Variants in USH2A observed in about 807,000 individuals in gnomAD.
USH2A encodes Usher syndrome 2A (autosomal recessive, mild).
Under a neutral mutation model 538.9 loss-of-function variants are expected in USH2A, and 443 were observed. The observed-to-expected ratio is 0.82, with a 90% CI of 0.76 to 0.89. USH2A has a LOEUF of 0.89. Ranked by LOEUF, USH2A falls within the 40% of genes least tolerant of loss-of-function variation. The pLI, the probability that USH2A is intolerant of heterozygous loss-of-function variation, is 0.00. For synonymous variants in USH2A, 2,413 were observed against 2,273.5 expected (o/e 1.06, Z -1.75); for missense variants, 6,633 against 6,324.8 (o/e 1.05, Z -1.65).
chr1:215,746,262 T>G (rs187479089), intron 58 of USH2A, among the ~76,000 whole-genome samples: 130 of 152,210 alleles, frequency 8.5e-4, no homozygotes, highest in African/African-American at 3.1e-3. Context: ...TCTGAGCGAG[T>G]GTGGGTGTGT....
At chr1:215,887,851 C>T (rs1166187046) in intron 41 of USH2A, among the ~76,000 whole-genome samples, 1 of 152,192 alleles carries the variant, frequency 6.6e-6, no homozygotes, top group Non-Finnish European at 1.5e-5. Context: ...TTCTAAGCTA[C>T]AAAACTCCCT....
rs770900090 is a variant in USH2A, at chr1:216,073,281, C to T, written c.5592G>A (p.Lys1864=). The T allele has an allele frequency of 1.9e-6, 3 of 1,613,544 alleles. No homozygotes were observed. In the South Asian group the frequency reaches 3.3e-5, roughly 18 times the overall value. Residue 1864 remains lysine (K), a synonymous_variant, in exon 28 of 72, where the codon AAG becomes AAA. Coordinates refer to ENST00000307340, the MANE Select transcript of USH2A (RefSeq NM_206933.4). ...CAGCACCCCGTGTAAATTTAACATCCTTCATGCAACCACCGAAACCTAGCA... is the reference window on the plus strand; with the variant it reads ...CAGCACCCCGTGTAAATTTAACATCTTTCATGCAACCACCGAAACCTAGCA... The part of the protein sequence containing the change: ...CLEQGFGGCM[K]DVKFTRGAVV...
intron 21 of USH2A, among the ~76,000 whole-genome samples, chr1:216,114,446 T>C (rs888276115): frequency 5.3e-5 from 8 of 152,178 alleles, no homozygotes; most frequent in Non-Finnish European, 1.0e-4. Context: ...ATATCATTTT[T>C]AAACCCTTAA....
rs200437181 is a variant in USH2A at position 215,970,743 on chromosome 1, C to A, written c.6839G>T (p.Gly2280Val). ...TTCTGAGGAATTGTGGATTAATATA[C>A]CATCTAGATATAATCCATAACTCGT... ...VITSYGLYLD[G>V]ILIHNSSELS... Residue 2280 changes from glycine (G) to valine (V), a missense_variant, in exon 36 of 72, where the codon GGT becomes GTT. Transcript: ENST00000307340. The A allele has an allele frequency of 3.6e-5, 58 of 1,613,390 alleles. 1 individual carries two copies. Among genetic ancestry groups the A allele is most frequent in the Non-Finnish European group, 4.8e-5 (57 of 1,179,632 alleles).
rs539536469 is a variant in USH2A at position 215,629,069 on chromosome 1, T to A, written c.15298-34A>T. On this transcript the variant is annotated intron_variant, in intron 70 of 71. Coordinates refer to ENST00000307340, the MANE Select transcript of USH2A (RefSeq NM_206933.4). The stretch of plus-strand genomic sequence containing the variant: ...GAAGTTGCTGTGAGTATTTCACATA[T>A]AAAGAATATGGGCTTGAAATATGAC... 8.9e-6 allele frequency: 14 copies of A among 1,580,972 alleles called. No individual in the cohort carries two copies. The East Asian group carries it at 3.1e-4, about 35-fold the overall frequency.
At chr1:216,112,870 G>A (rs1170331718) in intron 21 of USH2A, among the ~76,000 whole-genome samples, 2 of 151,830 alleles carry the variant, frequency 1.3e-5, no homozygotes, top group Non-Finnish European at 2.9e-5. Context: ...GGGCATTTAG[G>A]TTGATTCTAT....
chr1:215,732,544 C>CTTTTTTTTTT lies in USH2A; in HGVS notation c.11712-4170_11712-4161dup, dbSNP rs141549439. On this transcript the variant is annotated intron_variant, in intron 60 of 71. Coordinates refer to ENST00000307340, the MANE Select transcript of USH2A (RefSeq NM_206933.4). The stretch of plus-strand genomic sequence containing the variant: ...TCTTTCTTATTCTCCTTTTTTCTTT[C>CTTTTTTTTTT]TTTTTTTTTTTTTTTTTTTTTTTTT... 5.1e-3 allele frequency among the ~76,000 whole-genome samples: 378 copies of CTTTTTTTTTT among 73,636 alleles called. 2 individuals carry two copies. Among genetic ancestry groups the CTTTTTTTTTT allele is most frequent in the African/African-American group, 7.8e-3 (128 of 16,366 alleles). 48.3% of individuals were successfully genotyped at this position (73,636 alleles called of 152,430 possible). A position where few individuals can be genotyped will look rare whatever the true frequency, so the allele number is the denominator to read the frequency against.
At chr1:215,905,582 G>A (rs994017926) in intron 38 of USH2A, among the ~76,000 whole-genome samples, 1 of 152,014 alleles carries the variant, frequency 6.6e-6, no homozygotes, top group Non-Finnish European at 1.5e-5. Context: ...ATGCTACGGG[G>A]GACTCGGAAG....
Position 215,790,051 on chromosome 1 carries a change from T to C in USH2A, c.10182+8A>G. ...ATCAGCGCCTCCGAGAGCTTTTCTA[T>C]CAATTACCTTCATCATCATTCCAGT... On this transcript the variant is annotated splice_region_variant and intron_variant, in intron 51 of 71. Transcript: ENST00000307340. 1 of 1,612,458 alleles carries C rather than the reference T, an allele frequency of 6.2e-7. No homozygotes were observed. The highest frequency in any genetic ancestry group is 8.5e-7 in the Non-Finnish European group (1 of 1,179,690).
chr1:215,630,624 G>A (rs1222461027), intron 70 of USH2A, among the ~76,000 whole-genome samples: 1 of 150,186 alleles, frequency 6.7e-6, no homozygotes, highest in African/African-American at 2.5e-5. Context: ...AGGCCAAGAC[G>A]GGTGGATCAT....
At chr1:216,127,174 GC>G (rs544385574) in intron 21 of USH2A, among the ~76,000 whole-genome samples, 4 of 152,190 alleles carry the variant, frequency 2.6e-5, no homozygotes, top group Non-Finnish European at 5.9e-5. Flanking sequence ...AATAGTATAT[GC>G]CAAAGCAATA....
At chr1:215,794,362 C>T (rs1434638339) in intron 50 of USH2A, among the ~76,000 whole-genome samples, 2 of 152,162 alleles carry the variant, frequency 1.3e-5, no homozygotes, top group Non-Finnish European at 2.9e-5. Context: ...CGAGCCAGCC[C>T]GGTCTCGTGG....
intron 21 of USH2A, among the ~76,000 whole-genome samples, chr1:216,110,966 C>T (rs980829011): frequency 6.6e-6 from 1 of 152,198 alleles, no homozygotes; most frequent in Non-Finnish European, 1.5e-5. Flanking sequence ...TGGCTCACGC[C>T]TGTAATCCCA....
intron 4 of USH2A, among the ~76,000 whole-genome samples, chr1:216,360,243 A>T (rs568441383): frequency 6.6e-6 from 1 of 152,138 alleles, no homozygotes; most frequent in African/African-American, 2.4e-5. Flanking sequence ...GATATGAACC[A>T]CCAAGCCATG....
intron 14 of USH2A, among the ~76,000 whole-genome samples, chr1:216,231,292 C>CAGAGAGAGAG (rs371376479): frequency 1.0e-3 from 58 of 56,718 alleles, no homozygotes; most frequent in African/African-American, 3.6e-3. Flanking sequence ...CACAGAGAGA[C>CAGAGAGAGAG]AGAGAGAGAG....
At chr1:215,888,094 T>C (rs1665110574) in intron 41 of USH2A, among the ~76,000 whole-genome samples, 1 of 152,252 alleles carries the variant, frequency 6.6e-6, no homozygotes, top group African/African-American at 2.4e-5. Flanking sequence ...TGCTAATTCA[T>C]TCCTCCTTAT....
intron 32 of USH2A, among the ~76,000 whole-genome samples, chr1:216,029,069 A>G (rs1669032704): frequency 6.6e-6 from 1 of 152,042 alleles, no homozygotes; most frequent in African/African-American, 2.4e-5. Context: ...ATTTTGTAGT[A>G]ATTTTATTTT....
intron 11 of USH2A, among the ~76,000 whole-genome samples, chr1:216,269,015 G>A (rs1273773586): frequency 6.6e-6 from 1 of 151,948 alleles, no homozygotes; most frequent in African/African-American, 2.4e-5. Context: ...TACAATGTAA[G>A]CTCCATAGTG....
Position 215,674,275 on chromosome 1 carries a change from G to T in USH2A, c.13636C>A (p.Gln4546Lys). The T allele has an allele frequency of 6.2e-7, 1 of 1,614,122 alleles. No homozygotes were observed. Among genetic ancestry groups the T allele is most frequent in the Non-Finnish European group, 8.5e-7 (1 of 1,180,016 alleles). ...GGGTCCCAGTTCACTAAGATCTCCT[G>T]AGGACCCCTGGCCTGCAATTTTGGA... is the stretch of plus-strand genomic sequence containing the variant. ...EPPKLQARGP[Q>K]EILVNWDPPV... Residue 4546 changes from glutamine (Q) to lysine (K), a missense_variant, in exon 63 of 72, where the codon CAG becomes AAG. Gln to Lys is a moderately conservative substitution (Grantham distance 53). Coordinates refer to ENST00000307340, the MANE Select transcript of USH2A (RefSeq NM_206933.4).
Sources: allele counts gnomAD v4.1 joint callset (sites outside exome capture counted in the v4.1 genomes callset), GRCh38; gene constraint gnomAD v4.1.1; transcripts MANE v1.5; gene names NCBI Gene and HGNC (gene_info 2026-07-23, HGNC 2026-07-21).